STK10: variants seen among roughly 807,000 people sequenced by gnomAD.
The protein encoded by STK10 is serine/threonine kinase 10, also known as serine/threonine-protein kinase 10.
STK10 carries 78 observed loss-of-function variants against 113.8 expected under a neutral mutation model. The observed-to-expected ratio is 0.69, with a 90% confidence interval of 0.57 to 0.83. The LOEUF is 0.83. STK10 is among the 40% of genes least tolerant of loss of function. The probability of loss-of-function intolerance (pLI) is 0.00; values close to 1 mark genes in which losing one functional copy is unlikely to be tolerated. For missense variants in STK10, 1,109 were observed against 1,280.1 expected (o/e 0.87, Z 2.04); for synonymous variants, 465 against 494.7 (o/e 0.94, Z 0.80).
At chr5:172,089,620 GGA>G (rs1205332987) in intron 10 of STK10, among the ~76,000 whole-genome samples, 2 of 152,024 alleles carry the variant, frequency 1.3e-5, no homozygotes, top group African/African-American at 4.8e-5. Flanking sequence ...TTGGGTGGAT[GGA>G]TAGATAAACA....
chr5:172,085,829 G>A (rs1032810043), intron 10 of STK10, among the ~76,000 whole-genome samples: 2 of 152,166 alleles, frequency 1.3e-5, no homozygotes, highest in Admixed American at 6.5e-5. Context: ...GTTGGGGTCC[G>A]TGAGGCCTGT....
intron 7 of STK10, among the ~76,000 whole-genome samples, chr5:172,105,239 C>T (rs1430211475): frequency 1.3e-5 from 2 of 150,994 alleles, no homozygotes; most frequent in Non-Finnish European, 3.0e-5. Flanking sequence ...GCCTCCTCTC[C>T]CTCTGGGCCA....
chr5:172,165,458 C>T (rs1207616877), intron 1 of STK10, among the ~76,000 whole-genome samples: 1 of 152,198 alleles, frequency 6.6e-6, no homozygotes, highest in Non-Finnish European at 1.5e-5. Flanking sequence ...CCCCTAACCT[C>T]AGGTCTGGGA....
intron 8 of STK10, among the ~76,000 whole-genome samples, chr5:172,094,669 C>A (rs1415875044): frequency 6.6e-6 from 1 of 152,168 alleles, no homozygotes; most frequent in East Asian, 1.9e-4. Context: ...GAGGTGTGTG[C>A]CACCGCACCC....
At chr5:172,113,219 TG>T (rs556702936) in intron 4 of STK10, among the ~76,000 whole-genome samples, 108 of 151,768 alleles carry the variant, frequency 7.1e-4, no homozygotes, top group Non-Finnish European at 1.2e-3. Context: ...CACACTGCAC[TG>T]GGGGGGGTGT....
chr5:172,047,684 T>C (rs1238300252), intron 18 of STK10, among the ~76,000 whole-genome samples: 3 of 152,104 alleles, frequency 2.0e-5, no homozygotes, highest in Non-Finnish European at 2.9e-5. Flanking sequence ...ACAGTTACAG[T>C]AAGCAGAACT....
At position 172,187,891 on chromosome 5, in the gene STK10, T is replaced by TA; in HGVS notation, c.151dup (p.Tyr51LeufsTer6). ...CACCCACCTCAGCGCCCTCACCTTGTAAACCTTGCCGAAGGCGCCGTCGCC... is the reference window on the plus strand; with the variant it reads ...CACCCACCTCAGCGCCCTCACCTTGTAAAACCTTGCCGAAGGCGCCGTCGCC... On this transcript the variant is annotated frameshift_variant, in exon 1 of 19. Coordinates refer to ENST00000176763, the MANE Select transcript of STK10 (RefSeq NM_005990.4). LOFTEE classifies it high-confidence loss of function. This position sits in a 1 kb window ranked among gnomAD's most constrained non-coding sequence, Gnocchi z 4.6. 1.2e-6 allele frequency: 2 copies of TA among 1,613,020 alleles called. No homozygotes were observed. Among genetic ancestry groups the TA allele is most frequent in the Non-Finnish European group, 1.7e-6 (2 of 1,179,632 alleles).
At chr5:172,046,108 C>CT (rs1210682622) in intron 18 of STK10, among the ~76,000 whole-genome samples, 3 of 151,562 alleles carry the variant, frequency 2.0e-5, no homozygotes, top group Non-Finnish European at 4.4e-5. Flanking sequence ...CCTTGTAATC[C>CT]CAGCACTTTG....
At chr5:172,110,951 A>G (rs1769225672) in intron 4 of STK10, among the ~76,000 whole-genome samples, 1 of 152,146 alleles carries the variant, frequency 6.6e-6, no homozygotes, top group South Asian at 2.1e-4. Flanking sequence ...TGGTCAGGAA[A>G]GCTGGCTTCT....
chr5:172,068,393 G>C (rs1002859915), intron 12 of STK10, among the ~76,000 whole-genome samples: 2 of 151,928 alleles, frequency 1.3e-5, no homozygotes, highest in Non-Finnish European at 2.9e-5. Flanking sequence ...CTTCAGAAAT[G>C]AAAGTAAAAT....
chr5:172,176,532 T>C (rs114600860), intron 1 of STK10, among the ~76,000 whole-genome samples: 6,180 of 152,140 alleles, frequency 0.041, 181 homozygotes, highest in Middle Eastern at 0.092. Flanking sequence ...ACCACCTTAG[T>C]TTTGGGCAGC....
Position 172,097,099 on chromosome 5 carries a change from C to T in STK10, c.871-539G>A, listed in dbSNP as rs371023469. The stretch of plus-strand genomic sequence containing the variant: ...TGTTGCCCAGGCTGGAAGGCAGTTG[C>T]GCAATCTTGGCTCACTGCAACCTCC... On this transcript the variant is annotated intron_variant, in intron 7 of 18. Coordinates refer to ENST00000176763, the MANE Select transcript of STK10 (RefSeq NM_005990.4). Among the ~76,000 whole-genome samples, 20 of 152,308 alleles carry T rather than the reference C, an allele frequency of 1.3e-4. No homozygotes were observed. The South Asian group carries it at 2.5e-3, about 19-fold the overall frequency.
chr5:172,131,157 C>T (rs1294250323), intron 2 of STK10, among the ~76,000 whole-genome samples: 1 of 151,848 alleles, frequency 6.6e-6, no homozygotes, highest in Non-Finnish European at 1.5e-5. Flanking sequence ...CCTCAGCCTC[C>T]CGAGTAGCTG....
At chr5:172,056,954 G>GGAAAGAAAGAGAAA (rs1767796207) in intron 15 of STK10, 2 of 78,964 alleles carry the variant, frequency 2.5e-5, no homozygotes, top group Admixed American at 2.6e-4. Flanking sequence ...AAAGAAAGAA[G>GGAAAGAAAGAGAAA]GAAAGAAAGA....
intron 1 of STK10, among the ~76,000 whole-genome samples, chr5:172,182,847 C>T (rs896561930): frequency 1.3e-5 from 2 of 152,132 alleles, no homozygotes; most frequent in South Asian, 2.1e-4. Flanking sequence ...CCACCGCGCC[C>T]GGCCAATTTT....
chr5:172,044,729 A>G lies in STK10; in HGVS notation c.*153T>C. ...AAGTCAGGAACGCTGGGGCAGGTCT[A>G]TCAGGCACAGTTGGGGTGGCACAGG... is the stretch of plus-strand genomic sequence containing the variant. On this transcript the variant is annotated 3_prime_UTR_variant, in exon 19 of 19. Transcript: ENST00000176763. This position sits in a 1 kb window ranked among gnomAD's most constrained non-coding sequence, Gnocchi z 4.5. 1 of 1,285,754 alleles carries G rather than the reference A, an allele frequency of 7.8e-7. No homozygotes were observed. Among genetic ancestry groups the G allele is most frequent in the Non-Finnish European group, 1.1e-6 (1 of 911,844 alleles). The allele number at this position is 1,285,754 out of a possible 1,614,324, so 79.6% of individuals were successfully genotyped here.
intron 1 of STK10, among the ~76,000 whole-genome samples, chr5:172,163,620 G>C (rs910657207): frequency 6.6e-6 from 1 of 152,120 alleles, no homozygotes. Flanking sequence ...CCTGACTCCC[G>C]GCCTAGTGTT....
At chr5:172,088,023 T>C (rs1581148974) in intron 10 of STK10, among the ~76,000 whole-genome samples, 1 of 152,040 alleles carries the variant, frequency 6.6e-6, no homozygotes, top group Non-Finnish European at 1.5e-5. Flanking sequence ...CCTCCTATGC[T>C]CAAGTGATCC....
intron 1 of STK10, among the ~76,000 whole-genome samples, chr5:172,160,630 C>T (rs1373423110): frequency 3.3e-5 from 5 of 152,152 alleles, no homozygotes; most frequent in South Asian, 2.1e-4. Context: ...ATATTGATCA[C>T]GCTCCACCCT....
Sources: allele counts gnomAD v4.1 joint callset (sites outside exome capture counted in the v4.1 genomes callset), GRCh38; gene constraint gnomAD v4.1.1; non-coding constraint Gnocchi (gnomAD v3.1); transcripts MANE v1.5; gene names NCBI Gene and HGNC (gene_info 2026-07-23, HGNC 2026-07-21).